SLCO1B3: variants seen among roughly 807,000 people sequenced by gnomAD.
The protein encoded by SLCO1B3 is solute carrier organic anion transporter family member 1B3.
SLCO1B3 carries 72 observed loss-of-function variants against 71.8 expected under a neutral mutation model. That is an observed-to-expected ratio of 1.00 (90% confidence interval 0.83 to 1.22). The LOEUF (loss-of-function observed/expected upper bound fraction) is 1.22, where lower values mean the gene tolerates loss of function less well. Ranked by LOEUF, SLCO1B3 falls within the 50% of genes most tolerant of loss-of-function variation. The pLI, the probability that SLCO1B3 is intolerant of heterozygous loss-of-function variation, is 0.00. For synonymous variants in SLCO1B3, 298 were observed against 278.4 expected, an observed-to-expected ratio of 1.07 and a Z score of -0.70; for missense variants, 911 against 819.7, an observed-to-expected ratio of 1.11 and a Z score of -1.36.
chr12:20,858,703 A>C, intron 5 of SLCO1B3, 132 bp downstream of exon 5: 1 of 757,200 alleles, frequency 1.3e-6, no homozygotes, highest in Non-Finnish European at 2.1e-6. Flanking sequence ...AGAGAAATGG[A>C]GTATATTTCC....
intron 1 of SLCO1B3, among the ~76,000 whole-genome samples, chr12:20,811,215 A>C (rs1421788385): frequency 6.6e-6 from 1 of 152,178 alleles, no homozygotes; most frequent in Non-Finnish European, 1.5e-5. Flanking sequence ...TATGTTTCAA[A>C]GTCACTTAAT....
At chr12:20,899,602 G>A (rs563629565) in intron 14 of SLCO1B3, among the ~76,000 whole-genome samples, 27 of 152,258 alleles carry the variant, frequency 1.8e-4, no homozygotes, top group African/African-American at 5.1e-4. Flanking sequence ...CATCCTAACC[G>A]TCCCTTTCTG....
At chr12:20,880,135 TTTAAGC>T (rs56302737) in intron 11 of SLCO1B3, among the ~76,000 whole-genome samples, 108,773 of 150,530 alleles carry the variant, frequency 0.72, 41,884 homozygotes, top group South Asian at 0.9. Flanking sequence ...AAATAAAATC[TTTAAGC>T]TTAAACATTA....
chr12:20,870,641 C>G (rs113435731), intron 8 of SLCO1B3, among the ~76,000 whole-genome samples: 142 of 152,280 alleles, frequency 9.3e-4, no homozygotes, highest in African/African-American at 3.3e-3. Flanking sequence ...TGTATACACA[C>G]AGATTTCTCT....
chr12:20,814,545 C>G lies in SLCO1B3; in HGVS notation c.-66+907C>G, dbSNP rs376843502. Among the ~76,000 whole-genome samples the G allele has an allele frequency of 1.0e-3, 154 of 152,178 alleles. 4 individuals carry two copies. In the South Asian group the frequency reaches 0.031, roughly 31 times the overall value. On this transcript the variant is annotated intron_variant, in intron 2 of 15. Coordinates refer to ENST00000381545, the MANE Select transcript of SLCO1B3 (RefSeq NM_019844.4). ...GATAAAAAGGTAGAGTGCAGTAATA[C>G]TGGTATGCTTACATTTATATTAAAA...
chr12:20,891,345 G>A (rs938924246), intron 13 of SLCO1B3, among the ~76,000 whole-genome samples: 1 of 151,626 alleles, frequency 6.6e-6, no homozygotes, highest in Non-Finnish European at 1.5e-5. Context: ...CTGATAATAA[G>A]ACCCTAATTT....
chr12:20,820,287 C>A (rs1260856828), intron 3 of SLCO1B3, among the ~76,000 whole-genome samples: 1 of 152,132 alleles, frequency 6.6e-6, no homozygotes, highest in African/African-American at 2.4e-5. Context: ...AGCCGCTACG[C>A]CAAGAAGGAG....
chr12:20,897,661 A>G (rs888195514), intron 13 of SLCO1B3, among the ~76,000 whole-genome samples: 16 of 152,286 alleles, frequency 1.1e-4, no homozygotes, highest in Admixed American at 9.8e-4. Flanking sequence ...CTTCGAGGAG[A>G]AAAAAACCCT....
intron 15 of SLCO1B3, among the ~76,000 whole-genome samples, chr12:20,907,489 TCTC>T (rs1354129356): frequency 3.3e-5 from 4 of 120,208 alleles, no homozygotes; most frequent in African/African-American, 1.2e-4. Context: ...CCCTTCCTCT[TCTC>T]CTCCCTTCCC....
intron 3 of SLCO1B3, among the ~76,000 whole-genome samples, chr12:20,816,806 T>C (rs1864202888): frequency 6.6e-6 from 1 of 152,182 alleles, no homozygotes; most frequent in Non-Finnish European, 1.5e-5. Context: ...CTAATTTTTA[T>C]TGCTACCAAC....
Position 20,880,939 on chromosome 12 carries a change from AG to A in SLCO1B3, c.1417del (p.Val473SerfsTer7), listed in dbSNP as rs780598056. The A allele has an allele frequency of 4.2e-5, 68 of 1,611,968 alleles. No homozygotes were observed. The highest frequency in any genetic ancestry group is 5.5e-5 in the Non-Finnish European group (65 of 1,178,298). ...CNCDESQWEP[V>X]CGNNGITYLS... ...ATTGTGATGAAAGTCAGTGGGAACC[AG>A]TCTGTGGGAACAATGGAATAACTTA... is the stretch of plus-strand genomic sequence containing the variant. On this transcript the variant is annotated frameshift_variant, in exon 12 of 16. Coordinates refer to ENST00000381545, the MANE Select transcript of SLCO1B3 (RefSeq NM_019844.4). LOFTEE classifies it high-confidence loss of function.
intron 10 of SLCO1B3, among the ~76,000 whole-genome samples, chr12:20,878,718 A>G (rs1293968769): frequency 6.6e-6 from 1 of 152,170 alleles, no homozygotes; most frequent in Non-Finnish European, 1.5e-5. Context: ...TTGACTCCCA[A>G]TAACCTGGCT....
chr12:20,828,650 C>T (rs1168761316), intron 3 of SLCO1B3, among the ~76,000 whole-genome samples: 2 of 151,902 alleles, frequency 1.3e-5, no homozygotes, highest in African/African-American at 4.8e-5. Context: ...CACACATACA[C>T]ACACACACAC....
chr12:20,907,977 C>A, intron 15 of SLCO1B3, among the ~76,000 whole-genome samples: 1 of 152,114 alleles, frequency 6.6e-6, no homozygotes, highest in Non-Finnish European at 1.5e-5. Flanking sequence ...CAAGTCCAAG[C>A]ATTAGCATAA....
chr12:20,860,138 G>C (rs1451978120), intron 5 of SLCO1B3, among the ~76,000 whole-genome samples: 1 of 151,802 alleles, frequency 6.6e-6, no homozygotes, highest in Non-Finnish European at 1.5e-5. Flanking sequence ...TGTATTTTTA[G>C]TAGAGACGGG....
intron 3 of SLCO1B3, among the ~76,000 whole-genome samples, chr12:20,836,499 C>T (rs1328053669): frequency 6.6e-6 from 1 of 152,058 alleles, no homozygotes; most frequent in East Asian, 1.9e-4. Context: ...CAGGGTAATG[C>T]TGGCCTCATG....
rs142800781 is a variant in SLCO1B3, at chr12:20,828,646, TAC to T, written c.84+12843_84+12844del. On this transcript the variant is annotated intron_variant, in intron 3 of 15. Transcript: ENST00000381545. ...GAAAGCATAAAGGCACACACACACA[TAC>T]ACACACACACACACACACTCACACA... Among the ~76,000 whole-genome samples the T allele has an allele frequency of 8.0e-3, 1,188 of 149,262 alleles. 18 individuals are homozygous for T. The highest frequency in any genetic ancestry group is 0.027 in the African/African-American group (1,102 of 40,812).
At chr12:20,898,352 A>T (rs1866057766) in intron 13 of SLCO1B3, 84 bp from the exon 14 acceptor site, 8 of 832,042 alleles carry the variant, frequency 9.6e-6, no homozygotes, top group Non-Finnish European at 1.2e-5. Flanking sequence ...CAGGGAGAGG[A>T]ATGATGCTGA....
chr12:20,848,877 G>A (rs556587487), intron 3 of SLCO1B3, among the ~76,000 whole-genome samples: 1 of 152,032 alleles, frequency 6.6e-6, no homozygotes, highest in South Asian at 2.1e-4. Context: ...TTAGGTAAGG[G>A]AGACTATTCT....
Sources: allele counts gnomAD v4.1 joint callset (sites outside exome capture counted in the v4.1 genomes callset), GRCh38; gene constraint gnomAD v4.1.1; transcripts MANE v1.5; gene names NCBI Gene and HGNC (gene_info 2026-07-23, HGNC 2026-07-21).